The following ADAMTS6 variants were observed in gnomAD, a reference collection of about 807,000 sequenced individuals.
ADAMTS6 encodes the protein A disintegrin and metalloproteinase with thrombospondin motifs 6.
Under a neutral mutation model 144.3 loss-of-function variants are expected in ADAMTS6, and 23 were observed. The observed-to-expected ratio is 0.16, with a 90% CI of 0.11 to 0.23. ADAMTS6 has a LOEUF of 0.23. Among genes scored for constraint, ADAMTS6 ranks in the 10% least tolerant of loss-of-function variants. ADAMTS6 has a pLI of 1.00. For synonymous variants in ADAMTS6, 444 were observed against 457.5 expected (o/e 0.97, Z 0.38); for missense variants, 999 against 1,379.6 (o/e 0.72, Z 4.37).
intron 14 of ADAMTS6, among the ~76,000 whole-genome samples, chr5:65,258,733 G>C (rs1760906884): frequency 6.6e-6 from 1 of 152,170 alleles, no homozygotes; most frequent in Non-Finnish European, 1.5e-5. Context: ...TGTCAAGAAA[G>C]ACTCCAGGAT....
At chr5:65,213,951 C>A (rs1203001100) in intron 20 of ADAMTS6, 1 of 161,902 alleles carries the variant, frequency 6.2e-6, no homozygotes, top group Non-Finnish European at 1.5e-5. Context: ...TGTTTCCTTG[C>A]CTGTTAGGAT....
At chr5:65,420,856 C>T (rs1184854242) in intron 7 of ADAMTS6, among the ~76,000 whole-genome samples, 1 of 151,028 alleles carries the variant, frequency 6.6e-6, no homozygotes, top group Non-Finnish European at 1.5e-5. Flanking sequence ...AGCATACTGA[C>T]AATAATAGGA....
chr5:65,366,133 T>C (rs1022436909), intron 7 of ADAMTS6, among the ~76,000 whole-genome samples: 2 of 152,180 alleles, frequency 1.3e-5, no homozygotes, highest in Non-Finnish European at 1.5e-5. Flanking sequence ...AACTTGTTTT[T>C]AAAACTAACC....
chr5:65,427,940 T>C (rs1198426413), intron 7 of ADAMTS6, among the ~76,000 whole-genome samples: 2 of 152,054 alleles, frequency 1.3e-5, no homozygotes, highest in African/African-American at 4.8e-5. Flanking sequence ...ATTAAGTTAA[T>C]AAAGAAGGCC....
At chr5:65,230,714 C>A (rs180895031) in intron 15 of ADAMTS6, among the ~76,000 whole-genome samples, 7 of 61,542 alleles carry the variant, frequency 1.1e-4, no homozygotes, top group East Asian at 4.3e-4. Flanking sequence ...ATATATATAA[C>A]ACATATGTAT....
At chr5:65,287,750 G>A (rs1741819451) in intron 11 of ADAMTS6, among the ~76,000 whole-genome samples, 1 of 152,028 alleles carries the variant, frequency 6.6e-6, no homozygotes, top group African/African-American at 2.4e-5. Flanking sequence ...GGCTGGTCTC[G>A]AACTCCCAAC....
chr5:65,364,197 G>A (rs1388474387), intron 7 of ADAMTS6, among the ~76,000 whole-genome samples: 1 of 152,124 alleles, frequency 6.6e-6, no homozygotes, highest in Non-Finnish European at 1.5e-5. Flanking sequence ...TTCAAATATT[G>A]ATTGAAAGGT....
intron 14 of ADAMTS6, among the ~76,000 whole-genome samples, chr5:65,257,629 T>A (rs1205505495): frequency 6.6e-6 from 1 of 152,218 alleles, no homozygotes; most frequent in Non-Finnish European, 1.5e-5. Flanking sequence ...AATCTGAGGC[T>A]CTTTCAATGG....
chr5:65,453,688 C>T (rs1758942769), intron 4 of ADAMTS6, among the ~76,000 whole-genome samples: 1 of 152,144 alleles, frequency 6.6e-6, no homozygotes, highest in Non-Finnish European at 1.5e-5. Context: ...AAACACCTGC[C>T]TCACTGATTA....
At chr5:65,212,257 T>A (rs1756582043) in intron 20 of ADAMTS6, among the ~76,000 whole-genome samples, 1 of 152,056 alleles carries the variant, frequency 6.6e-6, no homozygotes, top group Non-Finnish European at 1.5e-5. Flanking sequence ...ATATCCCTCA[T>A]TTGAAGAAGG....
At chr5:65,318,694 T>C (rs887781648) in intron 9 of ADAMTS6, among the ~76,000 whole-genome samples, 3 of 151,468 alleles carry the variant, frequency 2.0e-5, no homozygotes, top group Admixed American at 6.6e-5. Flanking sequence ...ATTGAACTTA[T>C]GGACATAGAG....
At chr5:65,289,129 C>T (rs147476629) in intron 11 of ADAMTS6, among the ~76,000 whole-genome samples, 3 of 152,268 alleles carry the variant, frequency 2.0e-5, no homozygotes, top group African/African-American at 4.8e-5. Context: ...AAAGGATTCA[C>T]GATAAAATAC....
intron 21 of ADAMTS6, 149 bp downstream of exon 21, chr5:65,196,873 G>T: frequency 1.1e-6 from 1 of 871,702 alleles, no homozygotes; most frequent in Non-Finnish European, 1.7e-6. Flanking sequence ...CACTAAAAGA[G>T]ACATCAAAAT....
intron 7 of ADAMTS6, among the ~76,000 whole-genome samples, chr5:65,398,800 GAAAGAAAGAAA>G (rs1322731868): frequency 9.5e-6 from 1 of 105,526 alleles, no homozygotes; most frequent in Non-Finnish European, 2.0e-5. Flanking sequence ...AAGAAAGAAA[GAAAGAAAGAAA>G]GAAAGAAAGA....
At position 65,465,258 on chromosome 5, in the gene ADAMTS6, T is replaced by C. The variant is rs1759911469; in HGVS notation, c.463-4920A>G. Among the ~76,000 whole-genome samples, 3 of 152,162 alleles carry C rather than the reference T, an allele frequency of 2.0e-5. No individual in the cohort carries two copies. The South Asian group carries it at 6.2e-4, about 32-fold the overall frequency. ...CCTTCATATTCCCCTCCGATAGACA[T>C]TGCAAAACCTCCTACAAATTCCTAC... is the stretch of plus-strand genomic sequence containing the variant. On this transcript the variant is annotated intron_variant, in intron 3 of 24. Coordinates refer to ENST00000381055, the MANE Select transcript of ADAMTS6 (RefSeq NM_197941.4).
intron 21 of ADAMTS6, among the ~76,000 whole-genome samples, chr5:65,194,201 G>C (rs531529888): frequency 6.6e-6 from 1 of 152,062 alleles, no homozygotes; most frequent in Admixed American, 6.5e-5. Context: ...GATGTTTGAC[G>C]GTTTGACCTA....
chr5:65,452,244 C>T, intron 5 of ADAMTS6, 28 bp from the exon 6 acceptor site: 1 of 1,592,380 alleles, frequency 6.3e-7, no homozygotes, highest in Non-Finnish European at 8.6e-7. Flanking sequence ...AGAAAAGACA[C>T]AAAGTCAGAC....
chr5:65,326,671 C>T (rs1580403234), intron 9 of ADAMTS6, among the ~76,000 whole-genome samples: 1 of 152,154 alleles, frequency 6.6e-6, no homozygotes. Flanking sequence ...CGTCACTTAA[C>T]ATCCATCTCA....
At chr5:65,452,304 T>C (rs1758812986) in intron 5 of ADAMTS6, 88 bp from the exon 6 acceptor site, 9 of 1,170,868 alleles carry the variant, frequency 7.7e-6, no homozygotes, top group Non-Finnish European at 1.0e-5. Context: ...AACAATTTTT[T>C]ATAAATTTAG....
Sources: gnomAD v4.1 joint callset for allele counts (sites outside exome capture counted in the v4.1 genomes callset) on GRCh38, gnomAD v4.1.1 for gene constraint, MANE v1.5 for transcripts, NCBI Gene and HGNC (gene_info 2026-07-23, HGNC 2026-07-21) for gene names.